The following UBE2QL1 variants were observed in gnomAD, a reference collection of about 807,000 sequenced individuals.
The protein encoded by UBE2QL1 is ubiquitin-conjugating enzyme E2Q-like protein 1.
A neutral mutation model predicts 12.6 loss-of-function variants in UBE2QL1; 5 were observed. That is an observed-to-expected ratio of 0.40 (90% CI 0.21 to 0.83). The LOEUF (loss-of-function observed/expected upper bound fraction) is 0.83, where lower values mean the gene tolerates loss of function less well. Among genes scored for constraint, UBE2QL1 ranks in the 40% least tolerant of loss-of-function variants. The pLI is 0.37. For missense variants in UBE2QL1, 99 were observed against 222.6 expected, an observed-to-expected ratio of 0.44 and a Z score of 3.53; for synonymous variants, 96 against 94.5, an observed-to-expected ratio of 1.02 and a Z score of -0.10.
chr5:6,471,262 T>C (rs73036262), intron 1 of UBE2QL1, among the ~76,000 whole-genome samples: 1 of 152,214 alleles, frequency 6.6e-6, no homozygotes, highest in African/African-American at 2.4e-5. Flanking sequence ...TAAAACTCAG[T>C]GTCTTGAAGA....
chr5:6,462,852 G>A lies in UBE2QL1; in HGVS notation c.354+13605G>A, dbSNP rs568070467. Among the ~76,000 whole-genome samples, 6 of 152,186 alleles carry A rather than the reference G, an allele frequency of 3.9e-5. No individual in the cohort carries two copies. The East Asian group carries it at 9.6e-4, about 24-fold the overall frequency. On this transcript the variant is annotated intron_variant, in intron 1 of 1. Transcript: ENST00000399816. ...GCAGGAAAAGGAATCTGACATTTCC[G>A]GCTTCTGAACCAAGCGTGAAAGGCT...
At chr5:6,469,273 C>T (rs957424017) in intron 1 of UBE2QL1, among the ~76,000 whole-genome samples, 3 of 152,078 alleles carry the variant, frequency 2.0e-5, no homozygotes, top group Non-Finnish European at 2.9e-5. Flanking sequence ...GCACCCAGGC[C>T]AATCCATTCC....
In UBE2QL1 at chr5:6,479,015, G is replaced by A. The variant is rs550981536; in HGVS notation, c.355-12203G>A. Among the ~76,000 whole-genome samples the A allele has an allele frequency of 1.1e-4, 17 of 152,224 alleles. No individual in the cohort carries two copies. The highest frequency in any genetic ancestry group is 3.9e-4 in the African/African-American group (16 of 41,532). ...TCATGACAGAGCTGCCTGCCCTGGG[G>A]GCGTCCCTTCTATCGTGTGCAGCAT... On this transcript the variant is annotated intron_variant, in intron 1 of 1. Transcript: ENST00000399816. This position sits in a 1 kb window ranked among gnomAD's most constrained non-coding sequence, Gnocchi z 4.2.
At chr5:6,488,667 A>G (rs6891407) in intron 1 of UBE2QL1, among the ~76,000 whole-genome samples, 29,448 of 151,720 alleles carry the variant, frequency 0.19, 6,296 homozygotes, top group African/African-American at 0.53. Context: ...GTATGTGGTG[A>G]TGCATGCCTG....
At chr5:6,490,645 A>G (rs886487606) in intron 1 of UBE2QL1, among the ~76,000 whole-genome samples, 1 of 152,252 alleles carries the variant, frequency 6.6e-6, no homozygotes, top group African/African-American at 2.4e-5. Context: ...ATGAATTCCA[A>G]TAAATTCACT....
chr5:6,488,405 T>G (rs901320879), intron 1 of UBE2QL1, among the ~76,000 whole-genome samples: 2 of 151,952 alleles, frequency 1.3e-5, no homozygotes, highest in African/African-American at 4.8e-5. Flanking sequence ...TACCATAGAT[T>G]TTCAGTATTG....
Position 6,448,959 on chromosome 5 carries a change from G to C in UBE2QL1, c.66G>C (p.Glu22Asp). 6.5e-7 allele frequency: 1 copy of C among 1,549,110 alleles called. No homozygotes were observed. The highest frequency in any genetic ancestry group is 8.7e-7 in the Non-Finnish European group (1 of 1,145,998). The change falls in exon 1 of 2, where the codon GAG becomes GAC. Residue 22 changes from glutamate (E) to aspartate (D), a missense_variant. By Grantham distance (45) the Glu-to-Asp change is conservative. Transcript: ENST00000399816. ...DRFISVELVDESLFDWNVKLH... is the reference protein window; with the variant it reads ...DRFISVELVDDSLFDWNVKLH... ...TCATCTCCGTGGAGCTGGTGGACGA[G>C]AGCCTGTTCGACTGGAACGTGAAGC... is the stretch of plus-strand genomic sequence containing the variant.
Position 6,495,916 on chromosome 5 carries a change from G to A in UBE2QL1, c.*4567G>A, listed in dbSNP as rs539613694. Among the ~76,000 whole-genome samples the A allele has an allele frequency of 3.3e-5, 5 of 152,300 alleles. No individual in the cohort carries two copies. Among genetic ancestry groups the A allele is most frequent in the African/African-American group, 1.2e-4 (5 of 41,568 alleles). On this transcript the variant is annotated 3_prime_UTR_variant, in exon 2 of 2. Coordinates refer to ENST00000399816, the MANE Select transcript of UBE2QL1 (RefSeq NM_001145161.3). ...GGGCCTGTCTGATCCACAGAATGTG[G>A]TCAATAATCTGGAAAGGCAAACAAA...
chr5:6,454,307 TG>T (rs779053004), intron 1 of UBE2QL1, among the ~76,000 whole-genome samples: 11 of 152,184 alleles, frequency 7.2e-5, no homozygotes, highest in Non-Finnish European at 1.0e-4. Context: ...CTGCTTGGCT[TG>T]TAGATGCTGT....
chr5:6,456,024 T>C (rs1212121502), intron 1 of UBE2QL1, among the ~76,000 whole-genome samples: 1 of 152,026 alleles, frequency 6.6e-6, no homozygotes, highest in Non-Finnish European at 1.5e-5. Context: ...CGGAGGGTGG[T>C]GTGAGCAGAC....
At chr5:6,456,682 C>T (rs541651379) in intron 1 of UBE2QL1, among the ~76,000 whole-genome samples, 172 of 152,280 alleles carry the variant, frequency 1.1e-3, no homozygotes, top group Middle Eastern at 0.01. Flanking sequence ...GTAACGTCTG[C>T]GACCCTCCCC....
At chr5:6,450,085 G>GCCCC (rs1739382589) in intron 1 of UBE2QL1, among the ~76,000 whole-genome samples, 1 of 110,938 alleles carries the variant, frequency 9.0e-6, no homozygotes, top group African/African-American at 3.0e-5. Context: ...GACAAGACCA[G>GCCCC]ACCCCCCCCC....
rs1296966433 is a variant in UBE2QL1 at position 6,491,510 on chromosome 5, A to G, written c.*161A>G. The G allele has an allele frequency of 3.1e-6, 3 of 980,196 alleles. No homozygotes were observed. The African/African-American group carries it at 4.9e-5, about 16-fold the overall frequency. The allele number at this position is 980,196 out of a possible 1,614,324, so 60.7% of individuals were successfully genotyped here. On this transcript the variant is annotated 3_prime_UTR_variant, in exon 2 of 2. Coordinates refer to ENST00000399816, the MANE Select transcript of UBE2QL1 (RefSeq NM_001145161.3). ...AAGTTATTTATGAAAAGATGTGTGT[A>G]CAGAGAGGAAGAGGGAGCAAATGCC...
rs1162436278 is a variant in UBE2QL1 at position 6,494,470 on chromosome 5, T to C, written c.*3121T>C. ...GTAGATGAGTGAAAAAGACCTAGGA[T>C]TGAAAGACAAAAAGCCATGTGTCCA... On this transcript the variant is annotated 3_prime_UTR_variant, in exon 2 of 2. Transcript: ENST00000399816. 1 of 152,130 alleles carries C rather than the reference T, an allele frequency of 6.6e-6. No individual in the cohort carries two copies. Among genetic ancestry groups the C allele is most frequent in the East Asian group, 1.9e-4 (1 of 5,178 alleles). The allele number at this position is 152,130 out of a possible 1,614,324, so 9.4% of individuals were successfully genotyped here.
intron 1 of UBE2QL1, among the ~76,000 whole-genome samples, chr5:6,466,507 C>T (rs542277780): frequency 2.8e-4 from 42 of 152,354 alleles, no homozygotes; most frequent in African/African-American, 8.4e-4. Flanking sequence ...TGGCCCCTGG[C>T]GGGCAGCAAC....
intron 1 of UBE2QL1, among the ~76,000 whole-genome samples, chr5:6,471,228 C>T (rs902935434): frequency 6.6e-6 from 1 of 152,206 alleles, no homozygotes; most frequent in African/African-American, 2.4e-5. Flanking sequence ...CATTGGTTAT[C>T]TCCTGCAGCA....
chr5:6,469,442 C>T (rs1362118245), intron 1 of UBE2QL1, among the ~76,000 whole-genome samples: 1 of 148,038 alleles, frequency 6.8e-6, no homozygotes, highest in African/African-American at 2.5e-5. Context: ...TTTATATAAT[C>T]TAAGGCTTAT....
intron 1 of UBE2QL1, among the ~76,000 whole-genome samples, chr5:6,467,810 G>A (rs1424113470): frequency 6.7e-6 from 1 of 149,098 alleles, no homozygotes; most frequent in Non-Finnish European, 1.5e-5. Context: ...ATCCCCCTTT[G>A]TTCCTGCAGC....
intron 1 of UBE2QL1, among the ~76,000 whole-genome samples, chr5:6,450,050 G>T (rs1579283667): frequency 6.6e-6 from 1 of 151,762 alleles, no homozygotes; most frequent in African/African-American, 2.4e-5. Context: ...AGAGGCGGCG[G>T]TGTGGTTTGG....
Sources: gnomAD v4.1 joint callset for allele counts (sites outside exome capture counted in the v4.1 genomes callset) on GRCh38, gnomAD v4.1.1 for gene constraint, Gnocchi (gnomAD v3.1) non-coding constraint, MANE v1.5 for transcripts, NCBI Gene and HGNC (gene_info 2026-07-23, HGNC 2026-07-21) for gene names.